The following ATG7 variants were observed in gnomAD, a reference collection of about 807,000 sequenced individuals.
ATG7 encodes ubiquitin-like modifier-activating enzyme ATG7.
In ATG7, 70 loss-of-function variants were observed where a neutral mutation model predicts 82.4. That is an observed-to-expected ratio of 0.85 (90% CI 0.70 to 1.04). ATG7 has a LOEUF of 1.04. ATG7 is among the 50% of genes least tolerant of loss of function. ATG7 has a pLI of 0.00. For synonymous variants in ATG7, 287 were observed against 313.0 expected (o/e 0.92, Z 0.88); for missense variants, 792 against 864.3 (o/e 0.92, Z 1.05).
Position 11,422,679 on chromosome 3 carries a change from CT to C in ATG7, c.1957-4117del, listed in dbSNP as rs142313134. Among the ~76,000 whole-genome samples, 24 of 135,102 alleles carry C rather than the reference CT, an allele frequency of 1.8e-4. No individual in the cohort carries two copies. In the South Asian group the frequency reaches 4.2e-3, roughly 24 times the overall value. 88.6% of individuals were successfully genotyped at this position (135,102 alleles called of 152,430 possible). On this transcript the variant is annotated intron_variant, in intron 19 of 20. Coordinates refer to ENST00000693202, the MANE Select transcript of ATG7 (RefSeq NM_001349232.2). ...TGGCTGTTTGGTGCAAGAGGTTTAG[CT>C]TTTTTTTAGCATGTCTCAGCTTTTG...
chr3:11,363,585 GA>G (rs1260703317), intron 17 of ATG7, among the ~76,000 whole-genome samples: 1 of 152,156 alleles, frequency 6.6e-6, no homozygotes, highest in Non-Finnish European at 1.5e-5. Context: ...TATTAGGAAA[GA>G]ACTATTATTA....
intron 20 of ATG7, among the ~76,000 whole-genome samples, chr3:11,498,669 C>A (rs1314625686): frequency 6.6e-6 from 1 of 152,206 alleles, no homozygotes; most frequent in East Asian, 1.9e-4. Context: ...TCCTCACTGA[C>A]TCCAGAAGAG....
intron 1 of ATG7, among the ~76,000 whole-genome samples, chr3:11,276,052 T>C (rs1941715096): frequency 6.6e-6 from 1 of 152,224 alleles, no homozygotes; most frequent in Non-Finnish European, 1.5e-5. Flanking sequence ...ATTACACTAG[T>C]GTGCCACCAA....
At chr3:11,574,837 G>GTGTGTA in the ATG7 span, among the ~76,000 whole-genome samples, 1 of 141,756 alleles carries the variant, frequency 7.1e-6, no homozygotes, top group African/African-American at 2.6e-5. Flanking sequence ...GTGTGTGTGT[G>GTGTGTA]TATTTTAAAA....
chr3:11,314,606 A>T (rs1034727462), intron 8 of ATG7, among the ~76,000 whole-genome samples: 1 of 152,154 alleles, frequency 6.6e-6, no homozygotes, highest in Non-Finnish European at 1.5e-5. Context: ...TACTAAAAAA[A>T]CAAACAGCAC....
intron 20 of ATG7, among the ~76,000 whole-genome samples, chr3:11,491,847 G>T (rs1310164347): frequency 1.3e-5 from 2 of 152,200 alleles, no homozygotes; most frequent in African/African-American, 4.8e-5. Context: ...TGTCTCAGAG[G>T]AGTACCCGGC....
chr3:11,440,672 T>TG (rs1263924403), intron 20 of ATG7, among the ~76,000 whole-genome samples: 3 of 115,148 alleles, frequency 2.6e-5, no homozygotes, highest in African/African-American at 9.9e-5. Context: ...GGTCCCCATT[T>TG]GCTTTTTTTT....
chr3:11,489,927 G>A (rs1456046036), intron 20 of ATG7, among the ~76,000 whole-genome samples: 1 of 151,894 alleles, frequency 6.6e-6, no homozygotes, highest in Non-Finnish European at 1.5e-5. Context: ...TAGGTGTGGT[G>A]TGGTGCTGAA....
Position 11,483,398 on chromosome 3 carries a change from C to CGG in ATG7, c.2079+56473_2079+56474insGG, listed in dbSNP as rs1393195077. On this transcript the variant is annotated intron_variant, in intron 20 of 20. Coordinates refer to ENST00000693202, the MANE Select transcript of ATG7 (RefSeq NM_001349232.2). ...TCAGATATCCACTGAGCTCCCAACA[C>CGG]GCACAGATCTTGCTTTCCTTTTTCT... Among the ~76,000 whole-genome samples the CGG allele has an allele frequency of 2.8e-3, 424 of 152,292 alleles. 1 individual carries two copies. The highest frequency in any genetic ancestry group is 6.8e-3 in the Middle Eastern group (2 of 294).
chr3:11,286,567 T>TTTTCTTTC (rs1379207386), intron 3 of ATG7, among the ~76,000 whole-genome samples: 1 of 106,758 alleles, frequency 9.4e-6, no homozygotes, highest in Non-Finnish European at 2.0e-5. Context: ...TTGTCTTTTC[T>TTTTCTTTC]TTTCTTTCTT....
At chr3:11,488,950 A>G (rs1037948566) in intron 20 of ATG7, among the ~76,000 whole-genome samples, 6 of 151,970 alleles carry the variant, frequency 3.9e-5, no homozygotes, top group African/African-American at 1.2e-4. Context: ...CTCTTTTTCT[A>G]TTGATTGGAA....
At chr3:11,539,286 C>A (rs1575246961) in intron 20 of ATG7, among the ~76,000 whole-genome samples, 1 of 152,128 alleles carries the variant, frequency 6.6e-6, no homozygotes, top group East Asian at 1.9e-4. Flanking sequence ...CACAGAGGCA[C>A]AAAGAGATTA....
intron 20 of ATG7, among the ~76,000 whole-genome samples, chr3:11,459,902 A>AT (rs1456601506): frequency 6.6e-6 from 1 of 152,318 alleles, no homozygotes; most frequent in East Asian, 1.9e-4. Flanking sequence ...GTATTAACAT[A>AT]TTAAAAATCC....
intron 13 of ATG7, among the ~76,000 whole-genome samples, chr3:11,346,764 G>A (rs1422212129): frequency 6.6e-6 from 1 of 152,190 alleles, no homozygotes; most frequent in Non-Finnish European, 1.5e-5. Flanking sequence ...TGCCTCCATG[G>A]TAGGTTGCTT....
rs34261811 is a variant in ATG7 at position 11,389,437 on chromosome 3, C to CTTT, written c.1956+9402_1956+9404dup. Among the ~76,000 whole-genome samples, 138 of 118,878 alleles carry CTTT rather than the reference C, an allele frequency of 1.2e-3. 1 individual carries two copies. The highest frequency in any genetic ancestry group is 4.3e-3 in the African/African-American group (134 of 31,402). The allele number at this position is 118,878 out of a possible 152,430, so 78.0% of individuals were successfully genotyped here. On this transcript the variant is annotated intron_variant, in intron 19 of 20. Transcript: ENST00000693202. The stretch of plus-strand genomic sequence containing the variant: ...TTTCATTATGAAAGTTTTGTTAGTG[C>CTTT]TTTTTTTTTTTTTTTTTTTAACACA...
At chr3:11,480,850 C>G (rs536623772) in intron 20 of ATG7, among the ~76,000 whole-genome samples, 3 of 152,180 alleles carry the variant, frequency 2.0e-5, no homozygotes, top group South Asian at 2.1e-4. Context: ...CAGTCCTGGC[C>G]GGCTGGGCCT....
In ATG7 at chr3:11,479,041, A is replaced by AT. The variant is rs779103437; in HGVS notation, c.2079+52121dup. Among the ~76,000 whole-genome samples the AT allele has an allele frequency of 3.8e-3, 295 of 76,676 alleles. 4 individuals carry two copies. Among genetic ancestry groups the AT allele is most frequent in the Admixed American group, 0.028 (230 of 8,158 alleles). 50.3% of individuals were successfully genotyped at this position (76,676 alleles called of 152,430 possible). ...ACACACACACACACACACACACACA[A>AT]TTTTTTACTTTGTGGATACTGGCCA... On this transcript the variant is annotated intron_variant, in intron 20 of 20. Transcript: ENST00000693202.
intron 18 of ATG7, among the ~76,000 whole-genome samples, chr3:11,372,820 G>A (rs535665734): frequency 0.012 from 794 of 65,764 alleles, 40 homozygotes; most frequent in African/African-American, 0.032. Flanking sequence ...GTGTGTGCGC[G>A]CGTGTGCGTG....
intron 11 of ATG7, among the ~76,000 whole-genome samples, chr3:11,339,202 A>C (rs757688557): frequency 6.6e-6 from 1 of 151,288 alleles, no homozygotes; most frequent in Non-Finnish European, 1.5e-5. Context: ...AGGCTGAGAC[A>C]GGAGAATGGC....
Sources: gnomAD v4.1 joint callset for allele counts (sites outside exome capture counted in the v4.1 genomes callset) on GRCh38, gnomAD v4.1.1 for gene constraint, MANE v1.5 for transcripts, NCBI Gene and HGNC (gene_info 2026-07-23, HGNC 2026-07-21) for gene names.